The following FAF1 variants were observed in gnomAD, a reference collection of about 807,000 sequenced individuals.
FAF1 encodes the protein Fas associated factor 1.
In FAF1, 25 loss-of-function variants were observed where a neutral mutation model predicts 92.5. The observed-to-expected ratio is 0.27, with a 90% CI of 0.20 to 0.38. The LOEUF (loss-of-function observed/expected upper bound fraction) is 0.38, where lower values mean the gene tolerates loss of function less well. Among genes scored for constraint, FAF1 ranks in the 10% least tolerant of loss-of-function variants. The pLI is 1.00. For synonymous variants in FAF1, 234 were observed against 273.2 expected (o/e 0.86, Z 1.42); for missense variants, 636 against 793.3 (o/e 0.80, Z 2.38).
intron 15 of FAF1, among the ~76,000 whole-genome samples, chr1:50,510,962 C>G (rs1266832972): frequency 1.3e-5 from 2 of 152,042 alleles, no homozygotes; most frequent in Non-Finnish European, 2.9e-5. Context: ...TATATACATT[C>G]TTTTATATGG....
At chr1:50,638,829 T>C (rs1654187912) in intron 8 of FAF1, among the ~76,000 whole-genome samples, 2 of 152,164 alleles carry the variant, frequency 1.3e-5, no homozygotes, top group African/African-American at 4.8e-5. Context: ...TTGCTTTTGC[T>C]TTGAAAAAAA....
chr1:50,642,947 T>C (rs1026901065), intron 8 of FAF1, among the ~76,000 whole-genome samples: 3 of 152,040 alleles, frequency 2.0e-5, no homozygotes, highest in African/African-American at 7.2e-5. Context: ...TTCAAGCGAT[T>C]TTCCTGCCTC....
intron 6 of FAF1, chr1:50,715,097 CA>C (rs1658117398): frequency 5.4e-6 from 2 of 369,348 alleles, no homozygotes; most frequent in East Asian, 1.4e-4. Context: ...TTAAAACTAA[CA>C]GTTCTTCATC....
At chr1:50,533,879 ACTT>A (rs1478095565) in intron 15 of FAF1, among the ~76,000 whole-genome samples, 2 of 152,116 alleles carry the variant, frequency 1.3e-5, no homozygotes, top group African/African-American at 4.8e-5. Flanking sequence ...CGTAATAATG[ACTT>A]CTTGAGATAA....
intron 4 of FAF1, chr1:50,781,130 T>C: frequency 3.3e-6 from 1 of 300,294 alleles, no homozygotes; most frequent in South Asian, 2.9e-5. Context: ...GGGCAGTCAA[T>C]ACTCCTCCGG....
chr1:50,506,981 G>A (rs1201518080), intron 15 of FAF1, among the ~76,000 whole-genome samples: 2 of 152,190 alleles, frequency 1.3e-5, no homozygotes, highest in Admixed American at 1.3e-4. Flanking sequence ...ACGGCTGGAA[G>A]AAATGATAAT....
chr1:50,655,435 C>T lies in FAF1; in HGVS notation c.744+7G>A. The T allele has an allele frequency of 6.2e-7, 1 of 1,603,346 alleles. No individual in the cohort carries two copies. Among genetic ancestry groups the T allele is most frequent in the Non-Finnish European group, 8.5e-7 (1 of 1,170,388 alleles). Reference sequence around the variant, plus strand: ...GATATAAAACTGAAAATTTGACTGTCACTTACTGAGTCGTCTGTAGCAGAA... The same window carrying T: ...GATATAAAACTGAAAATTTGACTGTTACTTACTGAGTCGTCTGTAGCAGAA... On this transcript the variant is annotated splice_region_variant and intron_variant, in intron 8 of 18. Coordinates refer to ENST00000396153, the MANE Select transcript of FAF1 (RefSeq NM_007051.3).
At chr1:50,802,247 C>T (rs774391489) in intron 2 of FAF1, among the ~76,000 whole-genome samples, 10 of 152,158 alleles carry the variant, frequency 6.6e-5, no homozygotes, top group Non-Finnish European at 8.8e-5. Flanking sequence ...TGTGCCACTA[C>T]GCCCAGCTAA....
At chr1:50,736,782 G>A (rs1659159761) in intron 6 of FAF1, among the ~76,000 whole-genome samples, 1 of 151,862 alleles carries the variant, frequency 6.6e-6, no homozygotes, top group African/African-American at 2.4e-5. Flanking sequence ...AAAAAAAGAT[G>A]TCAAAATATT....
chr1:50,956,611 C>A (rs1570188090), intron 1 of FAF1, among the ~76,000 whole-genome samples: 1 of 152,308 alleles, frequency 6.6e-6, no homozygotes, highest in South Asian at 2.1e-4. Flanking sequence ...AAATCAGTGT[C>A]ATCCAAGTAT....
chr1:50,840,399 T>C (rs1409046947), intron 2 of FAF1, among the ~76,000 whole-genome samples: 1 of 151,786 alleles, frequency 6.6e-6, no homozygotes, highest in Non-Finnish European at 1.5e-5. Flanking sequence ...CTTCTATAAC[T>C]CAATAATAAG....
chr1:50,586,052 C>T (rs1267102311), intron 9 of FAF1, among the ~76,000 whole-genome samples: 3 of 151,622 alleles, frequency 2.0e-5, no homozygotes, highest in Non-Finnish European at 4.4e-5. Flanking sequence ...GACCCTGGCT[C>T]AAAAATAAAA....
intron 18 of FAF1, among the ~76,000 whole-genome samples, chr1:50,466,271 G>T (rs192712168): frequency 1.3e-5 from 2 of 152,278 alleles, no homozygotes; most frequent in East Asian, 3.9e-4. Flanking sequence ...AAGGATAACA[G>T]TAAGGTTTCT....
intron 17 of FAF1, 103 bp from the exon 18 acceptor site, chr1:50,475,782 T>C (rs1381519359): frequency 2.9e-6 from 2 of 694,784 alleles, no homozygotes; most frequent in Non-Finnish European, 4.7e-6. Flanking sequence ...TAGAAATTCA[T>C]TGAAAAGTCA....
intron 13 of FAF1, among the ~76,000 whole-genome samples, chr1:50,547,303 T>C (rs1649071364): frequency 6.6e-6 from 1 of 152,200 alleles, no homozygotes; most frequent in Non-Finnish European, 1.5e-5. Flanking sequence ...CAGGATGAGA[T>C]TTTGGGAGAA....
intron 2 of FAF1, among the ~76,000 whole-genome samples, chr1:50,802,196 T>A (rs1330335829): frequency 3.3e-5 from 5 of 152,088 alleles, no homozygotes; most frequent in Non-Finnish European, 7.4e-5. Context: ...GTTCAAGCAA[T>A]TCTCCTGCCT....
In FAF1 at chr1:50,663,949, T is replaced by C. The variant is rs185197269; in HGVS notation, c.658-8421A>G. On this transcript the variant is annotated intron_variant, in intron 7 of 18. Coordinates refer to ENST00000396153, the MANE Select transcript of FAF1 (RefSeq NM_007051.3). ...TACTACCTCTTTACTACAGACTTCATTGCATTCTCAGTTTAATCTAAATTT... is the reference window on the plus strand; with the variant it reads ...TACTACCTCTTTACTACAGACTTCACTGCATTCTCAGTTTAATCTAAATTT... Among the ~76,000 whole-genome samples, 21 of 151,640 alleles carry C rather than the reference T, an allele frequency of 1.4e-4. No individual in the cohort carries two copies. In the East Asian group the frequency reaches 3.9e-3, roughly 28 times the overall value.
At chr1:50,830,920 A>C (rs1438886363) in intron 2 of FAF1, among the ~76,000 whole-genome samples, 1 of 152,190 alleles carries the variant, frequency 6.6e-6, no homozygotes, top group African/African-American at 2.4e-5. Context: ...AAACCACCAA[A>C]ACATTTTTGT....
At chr1:50,740,048 C>T (rs1659322035) in intron 5 of FAF1, among the ~76,000 whole-genome samples, 1 of 152,024 alleles carries the variant, frequency 6.6e-6, no homozygotes, top group Admixed American at 6.6e-5. Context: ...TTTTTTGAGC[C>T]ACCTACTCTG....
Sources: allele counts gnomAD v4.1 joint callset (sites outside exome capture counted in the v4.1 genomes callset), GRCh38; gene constraint gnomAD v4.1.1; transcripts MANE v1.5; gene names NCBI Gene and HGNC (gene_info 2026-07-23, HGNC 2026-07-21).